Variants in XRCC1 observed in about 807,000 individuals in gnomAD.
The protein encoded by XRCC1 is X-ray repair cross complementing 1.
In XRCC1, 52 loss-of-function variants were observed where a neutral mutation model predicts 83.3. The ratio of observed to expected loss-of-function variants is 0.62; its 90% CI spans 0.50 to 0.79. The LOEUF is 0.79. Ranked by LOEUF, XRCC1 falls within the 30% of genes least tolerant of loss-of-function variation. The pLI is 0.00. For missense variants in XRCC1, 793 were observed against 823.5 expected, an observed-to-expected ratio of 0.96 and a Z score of 0.45; for synonymous variants, 281 against 312.6, an observed-to-expected ratio of 0.90 and a Z score of 1.07.
intron 2 of XRCC1, among the ~76,000 whole-genome samples, chr19:43,564,576 G>A (rs909836635): frequency 2.0e-5 from 3 of 152,096 alleles, no homozygotes; most frequent in Non-Finnish European, 2.9e-5. Flanking sequence ...ATCACCTGAG[G>A]TAGGGAGTTC....
intron 3 of XRCC1, among the ~76,000 whole-genome samples, chr19:43,558,492 GC>G (rs1972662069): frequency 6.6e-6 from 1 of 151,896 alleles, no homozygotes; most frequent in African/African-American, 2.4e-5. Flanking sequence ...TTAAAAATTA[GC>G]CGGGCATGAT....
At chr19:43,551,455 GCT>G in intron 10 of XRCC1, 114 bp downstream of exon 10, 1 of 883,748 alleles carries the variant, frequency 1.1e-6, no homozygotes, top group South Asian at 1.5e-5. Context: ...TAGTCTGCTG[GCT>G]CTGGGCTGGG....
chr19:43,546,597 G>A lies in XRCC1; in HGVS notation c.1424C>T (p.Ser475Leu). 6.2e-7 allele frequency: 1 copy of A among 1,608,048 alleles called. No individual in the cohort carries two copies. The change falls in exon 12 of 17, where the codon TCA (serine) becomes TTA (leucine). Residue 475 changes from serine to leucine, a missense_variant and splice_region_variant. By Grantham distance (145) the Ser-to-Leu change is moderately radical. Transcript: ENST00000262887. ...QEDIDIEGVQ[S>L]EGQDNGAEDS... ...CCCCTCCTCCCTCAGAGTCTGACCT[G>A]ACTGTACCCCCTCAATGTCTATATC...
At chr19:43,573,519 A>T (rs1972824710) in intron 2 of XRCC1, among the ~76,000 whole-genome samples, 1 of 152,134 alleles carries the variant, frequency 6.6e-6, no homozygotes, top group Non-Finnish European at 1.5e-5. Flanking sequence ...CATTCACAAA[A>T]GGTTAATTTT....
At chr19:43,568,762 G>C (rs888068398) in intron 2 of XRCC1, among the ~76,000 whole-genome samples, 1 of 151,988 alleles carries the variant, frequency 6.6e-6, no homozygotes, top group Admixed American at 6.6e-5. Flanking sequence ...GTTGGGGAGG[G>C]AGCAGGAGTT....
chr19:43,558,402 G>A (rs920945833), intron 3 of XRCC1, among the ~76,000 whole-genome samples: 4 of 151,830 alleles, frequency 2.6e-5, no homozygotes, highest in African/African-American at 9.7e-5. Context: ...TTGGGAGGCC[G>A]CAGCAGGTGG....
In XRCC1 at chr19:43,554,718, G is replaced by A; in HGVS notation, c.342C>T (p.Asp114=). The A allele has an allele frequency of 1.2e-6, 2 of 1,614,064 alleles. No homozygotes were observed. The highest frequency in any genetic ancestry group is 4.5e-5 in the East Asian group (2 of 44,880). Residue 114 remains aspartate (D), a synonymous_variant, in exon 4 of 17, where the codon GAC becomes GAT. Coordinates refer to ENST00000262887, the MANE Select transcript of XRCC1 (RefSeq NM_006297.3). ...TCTCGGCGGCTGCCCGGACCAGCTT[G>A]TCAGGCCCAAACATGCGAACGCGGT... ...NPNRVRMFGP[D]KLVRAAAEKR...
At chr19:43,565,259 G>C (rs770585257) in intron 2 of XRCC1, among the ~76,000 whole-genome samples, 3 of 152,150 alleles carry the variant, frequency 2.0e-5, no homozygotes, top group Non-Finnish European at 2.9e-5. Flanking sequence ...CACCACACTT[G>C]GCTAAGCATG....
Position 43,552,090 on chromosome 19 carries a change from C to G in XRCC1, c.1009G>C (p.Glu337Gln), listed in dbSNP as rs952705399. Residue 337 changes from glutamate (E) to glutamine (Q), a missense_variant, in exon 9 of 17, where the codon GAG (glutamate) becomes CAG (glutamine). By Grantham distance (29) the Glu-to-Gln change is conservative (BLOSUM62 2). Transcript: ENST00000262887. ...LSGFQNPFRSELRDKALELGA... is the reference protein window; with the variant it reads ...LSGFQNPFRSQLRDKALELGA... ...AGCTCTAGGGCCTTATCTCGCAGCT[C>G]GGAGCGGAAGGGGTTCTGGAAGCCA... 2 of 1,614,048 alleles carry G rather than the reference C, an allele frequency of 1.2e-6. No individual in the cohort carries two copies. The highest frequency in any genetic ancestry group is 2.2e-5 in the East Asian group (1 of 44,868).
At chr19:43,564,957 C>T (rs1972738166) in intron 2 of XRCC1, among the ~76,000 whole-genome samples, 2 of 152,126 alleles carry the variant, frequency 1.3e-5, no homozygotes, top group South Asian at 4.1e-4. Context: ...TTCTCGAGGC[C>T]ACCTGCCTTC....
intron 3 of XRCC1, among the ~76,000 whole-genome samples, chr19:43,556,501 G>C (rs3213344): frequency 0.074 from 11,211 of 152,198 alleles, 631 homozygotes; most frequent in East Asian, 0.29. Flanking sequence ...TTAGCAATCT[G>C]CATTGAAAAA....
At chr19:43,569,371 G>A (rs1972785117) in intron 2 of XRCC1, among the ~76,000 whole-genome samples, 1 of 151,894 alleles carries the variant, frequency 6.6e-6, no homozygotes, top group African/African-American at 2.4e-5. Flanking sequence ...AACTACTGAG[G>A]AGGCTGAGGT....
chr19:43,547,873 TC>T (rs550838238), intron 10 of XRCC1, among the ~76,000 whole-genome samples: 2 of 152,130 alleles, frequency 1.3e-5, no homozygotes, highest in Non-Finnish European at 2.9e-5. Flanking sequence ...CCTTTAAGAA[TC>T]AAAGGCAGTT....
chr19:43,573,509 C>T (rs1046527278), intron 2 of XRCC1, among the ~76,000 whole-genome samples: 2 of 152,118 alleles, frequency 1.3e-5, no homozygotes, highest in African/African-American at 2.4e-5. Context: ...AATGACTGCC[C>T]ATTCACAAAA....
intron 10 of XRCC1, among the ~76,000 whole-genome samples, chr19:43,551,117 G>A (rs1297744927): frequency 1.3e-5 from 2 of 152,126 alleles, no homozygotes; most frequent in African/African-American, 2.4e-5. Flanking sequence ...ACAGGCGTGC[G>A]CCACCAAGCC....
rs375801765 is a variant in XRCC1, at chr19:43,551,593, G to A, written c.1177C>T (p.Arg393Cys). Residue 393 changes from arginine to cysteine, a missense_variant, in exon 10 of 17, where the codon CGT becomes TGT. Coordinates refer to ENST00000262887, the MANE Select transcript of XRCC1 (RefSeq NM_006297.3). ...TACCTCTGGGAGGGCAGCCGCCGAC[G>A]CATGCGGTGACAGTCCAGCACCCAC... ...KEWVLDCHRM[R>C]RRLPSQRYLM... The A allele has an allele frequency of 9.3e-6, 15 of 1,614,026 alleles. No homozygotes were observed. The highest frequency in any genetic ancestry group is 2.7e-5 in the African/African-American group (2 of 74,934).
intron 2 of XRCC1, among the ~76,000 whole-genome samples, chr19:43,570,650 C>A (rs1305470784): frequency 6.6e-6 from 1 of 152,058 alleles, no homozygotes; most frequent in Non-Finnish European, 1.5e-5. Context: ...CTGGGCCTGG[C>A]GGCACACGCC....
At chr19:43,544,099 C>T (rs1486176114) in intron 15 of XRCC1, 45 bp downstream of exon 15, 2 of 1,545,762 alleles carry the variant, frequency 1.3e-6, no homozygotes, top group Admixed American at 1.9e-5. Flanking sequence ...TGAGCGTTCC[C>T]TTGGATCCAT....
At chr19:43,556,901 A>G (rs1378802082) in intron 3 of XRCC1, among the ~76,000 whole-genome samples, 2 of 152,176 alleles carry the variant, frequency 1.3e-5, no homozygotes, top group Non-Finnish European at 2.9e-5. Context: ...GCTACTCGAG[A>G]GGCTGAGGCA....
Sources: gnomAD v4.1 joint callset for allele counts (sites outside exome capture counted in the v4.1 genomes callset) on GRCh38, gnomAD v4.1.1 for gene constraint, MANE v1.5 for transcripts, NCBI Gene and HGNC (gene_info 2026-07-23, HGNC 2026-07-21) for gene names.